The following RP1L1 variants were observed in gnomAD, a reference collection of about 807,000 sequenced individuals.
RP1L1 encodes the protein RP1 like 1, also known as retinitis pigmentosa 1-like 1 protein.
RP1L1 carries 27 observed loss-of-function variants against 15.7 expected under a neutral mutation model. The ratio of observed to expected loss-of-function variants is 1.72; its 90% CI spans 1.27 to 2.38. RP1L1 has a LOEUF of 2.38. Among genes scored for constraint, RP1L1 ranks in the 30% most tolerant of loss-of-function variants. RP1L1 has a pLI of 0.00. For missense variants in RP1L1, 4,798 were observed against 3,075.9 expected (o/e 1.56, Z -13.24); for synonymous variants, 1,813 against 1,276.7 (o/e 1.42, Z -8.96).
intron 1 of RP1L1, among the ~76,000 whole-genome samples, chr8:10,634,879 C>T (rs556660633): frequency 3.9e-5 from 6 of 152,170 alleles, no homozygotes; most frequent in Non-Finnish European, 7.3e-5. Context: ...TCAAGGGACA[C>T]CAAGGGTCCT....
Position 10,611,756 on chromosome 8 carries a change from G to C in RP1L1, c.2342C>G (p.Ser781Cys). Residue 781 changes from serine to cysteine, a missense_variant, in exon 4 of 4, where the codon TCC (serine) becomes TGC (cysteine). Physicochemically the swap from Ser to Cys is moderately radical, Grantham distance 112. Coordinates refer to ENST00000382483, the MANE Select transcript of RP1L1 (RefSeq NM_178857.6). ...AGCCCCAGATTTTGAGCAGGAGTCG[G>C]ATGTGTGGGGAGGTATGGGGGCCGG... Reference protein sequence around the residue: ...CSPAPIPPHTSDSCSKSGAAS... With the variant: ...CSPAPIPPHTCDSCSKSGAAS... 1 of 1,613,634 alleles carries C rather than the reference G, an allele frequency of 6.2e-7. No homozygotes were observed. Among genetic ancestry groups the C allele is most frequent in the South Asian group, 1.1e-5 (1 of 91,082 alleles).
intron 1 of RP1L1, among the ~76,000 whole-genome samples, chr8:10,644,288 A>G (rs1333605973): frequency 6.7e-6 from 1 of 148,302 alleles, no homozygotes; most frequent in Non-Finnish European, 1.5e-5. Context: ...TTCTTCTCAA[A>G]AAAAAAAAAA....
Position 10,607,276 on chromosome 8 carries a change from C to T in RP1L1, c.6822G>A (p.Glu2274=), listed in dbSNP as rs777850097. The change falls in exon 4 of 4, where the codon GAG becomes GAA. Residue 2274 remains glutamate, a synonymous_variant. Transcript: ENST00000382483. ...EASESSSPVP[E]DRPTPPPSPG... ...GGGAAGGGGGTGGAGTGGGCCTGTC[C>T]TCAGGGACTGGGCTGCTGCTTTCAG... The T allele has an allele frequency of 8.1e-6, 13 of 1,614,220 alleles. No homozygotes were observed. The highest frequency in any genetic ancestry group is 5.1e-6 in the Non-Finnish European group (6 of 1,180,026).
At position 10,611,018 on chromosome 8, in the gene RP1L1, G is replaced by C. The variant is rs552611341; in HGVS notation, c.3080C>G (p.Ala1027Gly). 1.2e-6 allele frequency: 2 copies of C among 1,612,742 alleles called. No individual in the cohort carries two copies. The highest frequency in any genetic ancestry group is 2.7e-5 in the African/African-American group (2 of 75,034). Residue 1027 changes from alanine to glycine, a missense_variant, in exon 4 of 4, where the codon GCC becomes GGC. Ala to Gly is a moderately conservative substitution (Grantham distance 60, BLOSUM62 0). Coordinates refer to ENST00000382483, the MANE Select transcript of RP1L1 (RefSeq NM_178857.6). ...DPGQDPEPEG[A>G]LLGSSDTGPQ... is the part of the protein sequence containing the mutation. The stretch of plus-strand genomic sequence containing the variant: ...ACCAGTGTCACTACTCCCCAGGAGG[G>C]CTCCCTCTGGCTCTGGGTCCTGGCC...
Position 10,609,400 on chromosome 8 carries a change from T to C in RP1L1, c.4698A>G (p.Gln1566=), listed in dbSNP as rs763702980. ...MAAELQQDVA[Q]RLQDSTKREL... is the part of the protein sequence containing the mutation. ...CTCTCTTGGTGCTGTCCTGGAGGCG[T>C]TGGGCCACGTCCTGCTGCAGCTCGG... Residue 1566 remains glutamine, a synonymous_variant, in exon 4 of 4, where the codon CAA becomes CAG. Transcript: ENST00000382483. 5.0e-6 allele frequency: 8 copies of C among 1,612,260 alleles called. No homozygotes were observed. The highest frequency in any genetic ancestry group is 2.2e-5 in the East Asian group (1 of 44,892).
chr8:10,618,260 G>C (rs576022824), intron 2 of RP1L1, among the ~76,000 whole-genome samples: 21 of 152,268 alleles, frequency 1.4e-4, no homozygotes, highest in African/African-American at 3.6e-4. Flanking sequence ...AGCACTTTGG[G>C]GGGCCGAGGT....
In RP1L1 at chr8:10,612,396, C is replaced by T; in HGVS notation, c.1702G>A (p.Ala568Thr). The change falls in exon 4 of 4, where the codon GCC becomes ACC. Residue 568 changes from alanine to threonine, a missense_variant. Coordinates refer to ENST00000382483, the MANE Select transcript of RP1L1 (RefSeq NM_178857.6). ...GAAGCGGGGTCGCCTCCCTCGCTGG[C>T]CTCCTGCTGAGAGGTCTCGGCCCTT... ...KARAETSQQEASEGGDPASPA... is the reference protein window; with the variant it reads ...KARAETSQQETSEGGDPASPA... The T allele has an allele frequency of 6.2e-7, 1 of 1,612,788 alleles. No homozygotes were observed. The highest frequency in any genetic ancestry group is 8.5e-7 in the Non-Finnish European group (1 of 1,180,032).
In RP1L1 at chr8:10,623,067, C is replaced by T. The variant is rs747031921; in HGVS notation, c.135G>A (p.Arg45=). The T allele has an allele frequency of 1.9e-6, 3 of 1,613,994 alleles. No homozygotes were observed. In the African/African-American group the frequency reaches 4.0e-5, roughly 22 times the overall value. Residue 45 remains arginine, a synonymous_variant, in exon 2 of 4, where the codon CGG becomes CGA. Coordinates refer to ENST00000382483, the MANE Select transcript of RP1L1 (RefSeq NM_178857.6). ...KITFLKRGDP[R]FAGVRLAVHQ... is the part of the protein sequence containing the mutation. Reference sequence around the variant, plus strand: ...GAACGGCCAGGCGGACCCCAGCAAACCGTGGATCCCCTCGCTTGAGGAAGG... The same window carrying T: ...GAACGGCCAGGCGGACCCCAGCAAATCGTGGATCCCCTCGCTTGAGGAAGG...
chr8:10,638,466 A>G (rs1798362156), intron 1 of RP1L1, among the ~76,000 whole-genome samples: 1 of 152,114 alleles, frequency 6.6e-6, no homozygotes, highest in Non-Finnish European at 1.5e-5. Flanking sequence ...ATTAGATACA[A>G]ATTTCTACTT....
At position 10,628,398 on chromosome 8, in the gene RP1L1, C is replaced by G. The variant is rs73662881; in HGVS notation, c.-19-5178G>C. Among the ~76,000 whole-genome samples the G allele has an allele frequency of 9.3e-3, 1,419 of 152,178 alleles. 29 individuals carry two copies. Among genetic ancestry groups the G allele is most frequent in the African/African-American group, 0.031 (1,299 of 41,510 alleles). On this transcript the variant is annotated intron_variant, in intron 1 of 3. Coordinates refer to ENST00000382483, the MANE Select transcript of RP1L1 (RefSeq NM_178857.6). Reference sequence around the variant, plus strand: ...TAACACCAATGCCCCTCCTGAAAAACAAGCACATTCCCATAAACACAAAAT... The same window carrying G: ...TAACACCAATGCCCCTCCTGAAAAAGAAGCACATTCCCATAAACACAAAAT...
intron 1 of RP1L1, among the ~76,000 whole-genome samples, chr8:10,631,017 C>T (rs1335115831): frequency 1.3e-5 from 2 of 152,128 alleles, no homozygotes; most frequent in South Asian, 2.1e-4. Context: ...ATGCCTGGCT[C>T]TCAGGGGGAA....
At chr8:10,617,040 T>G (rs1797978990) in intron 2 of RP1L1, among the ~76,000 whole-genome samples, 1 of 152,096 alleles carries the variant, frequency 6.6e-6, no homozygotes, top group Non-Finnish European at 1.5e-5. Flanking sequence ...TGTTTTCTGG[T>G]ACAGTCTGAG....
intron 1 of RP1L1, among the ~76,000 whole-genome samples, chr8:10,650,570 T>A (rs1798544147): frequency 1.3e-5 from 2 of 150,862 alleles, no homozygotes; most frequent in African/African-American, 4.9e-5. Context: ...TTTTTTTTTT[T>A]AATTGAGAGG....
In RP1L1 at chr8:10,608,724, G is replaced by C. The variant is rs200997120; in HGVS notation, c.5374C>G (p.Gln1792Glu). The part of the protein sequence containing the change: ...SAGSELGEAE[Q>E]EGEGISERGE... ...CTTTCACTTATGCCCTCTCCCTCCT[G>C]CTCAGCTTCCCCCAACTCACTGCCC... The change falls in exon 4 of 4, where the codon CAG (glutamine) becomes GAG (glutamate). Residue 1792 changes from glutamine (Q) to glutamate (E), a missense_variant. Gln to Glu is a conservative substitution (Grantham distance 29). Coordinates refer to ENST00000382483, the MANE Select transcript of RP1L1 (RefSeq NM_178857.6). The C allele has an allele frequency of 6.2e-7, 1 of 1,614,038 alleles. No homozygotes were observed.
At chr8:10,643,849 A>G (rs1438286185) in intron 1 of RP1L1, among the ~76,000 whole-genome samples, 1 of 152,022 alleles carries the variant, frequency 6.6e-6, no homozygotes, top group African/African-American at 2.4e-5. Context: ...CGATAGTGCC[A>G]TGGAAATTCA....
At position 10,651,872 on chromosome 8, in the gene RP1L1, C is replaced by T. The variant is rs533205783; in HGVS notation, c.-20+3026G>A. On this transcript the variant is annotated intron_variant, in intron 1 of 3. Coordinates refer to ENST00000382483, the MANE Select transcript of RP1L1 (RefSeq NM_178857.6). Reference sequence around the variant, plus strand: ...CAATGGCATTTCTGTCAATGACAGACCTCATCAATGACAGTGCCCCATGAG... The same window carrying T: ...CAATGGCATTTCTGTCAATGACAGATCTCATCAATGACAGTGCCCCATGAG... Among the ~76,000 whole-genome samples the T allele has an allele frequency of 6.6e-5, 10 of 152,108 alleles. No individual in the cohort carries two copies. The South Asian group carries it at 2.1e-3, about 32-fold the overall frequency.
At chr8:10,623,897 C>T (rs1246998947) in intron 1 of RP1L1, among the ~76,000 whole-genome samples, 1 of 151,764 alleles carries the variant, frequency 6.6e-6, no homozygotes, top group African/African-American at 2.4e-5. Flanking sequence ...CCCAGCACCT[C>T]CATGTCCCCA....
chr8:10,631,162 G>T (rs1798235062), intron 1 of RP1L1, among the ~76,000 whole-genome samples: 1 of 152,000 alleles, frequency 6.6e-6, no homozygotes, highest in African/African-American at 2.4e-5. Flanking sequence ...ATTTTAGACG[G>T]CCCAGGCGAG....
intron 1 of RP1L1, among the ~76,000 whole-genome samples, chr8:10,625,107 C>T (rs1273920048): frequency 6.6e-6 from 1 of 152,188 alleles, no homozygotes; most frequent in Non-Finnish European, 1.5e-5. Context: ...TACGCAAAAT[C>T]GCGTATCAGT....
Sources: gnomAD v4.1 joint callset for allele counts (sites outside exome capture counted in the v4.1 genomes callset) on GRCh38, gnomAD v4.1.1 for gene constraint, MANE v1.5 for transcripts, NCBI Gene and HGNC (gene_info 2026-07-23, HGNC 2026-07-21) for gene names.